C14orf93: variants seen among roughly 807,000 people sequenced by gnomAD.
The protein encoded by C14orf93 is uncharacterized protein C14orf93.
A neutral mutation model predicts 44.0 loss-of-function variants in C14orf93; 23 were observed. That is an observed-to-expected ratio of 0.52 (90% CI 0.38 to 0.74). The LOEUF is 0.74. Ranked by LOEUF, C14orf93 falls within the 30% of genes least tolerant of loss-of-function variation. The pLI, the probability that C14orf93 is intolerant of heterozygous loss-of-function variation, is 0.00. For missense variants in C14orf93, 579 were observed against 678.9 expected, an observed-to-expected ratio of 0.85 and a Z score of 1.64; for synonymous variants, 253 against 265.7, an observed-to-expected ratio of 0.95 and a Z score of 0.46.
chr14:23,008,302 T>TG (rs1280226650), intron 1 of C14orf93, among the ~76,000 whole-genome samples: 2 of 152,178 alleles, frequency 1.3e-5, no homozygotes, highest in Non-Finnish European at 2.9e-5. Flanking sequence ...TGGTCTGACT[T>TG]GAATTGTTAG....
In C14orf93 at chr14:22,991,146, T is replaced by G. The variant is rs185633402; in HGVS notation, c.919-1019A>C. 3.7e-4 allele frequency among the ~76,000 whole-genome samples: 55 copies of G among 150,560 alleles called. 1 individual carries two copies. In the East Asian group the frequency reaches 0.011, roughly 29 times the overall value. On this transcript the variant is annotated intron_variant, in intron 3 of 6. Coordinates refer to ENST00000299088, the MANE Select transcript of C14orf93 (RefSeq NM_021944.4). ...ACTCTTGCACATTTAAATTTTTTCT[T>G]CAAAATGTATTTGTATTTCTTTTCT...
Position 22,999,175 on chromosome 14 carries a change from C to T in C14orf93, c.-152G>A. ...GTAGGGTCTGTGAAAGAAGAGTAAA[C>T]AAGCCATGAAGAAGCACACAGTCCA... On this transcript the variant is annotated 5_prime_UTR_variant, in exon 2 of 7. Coordinates refer to ENST00000299088, the MANE Select transcript of C14orf93 (RefSeq NM_021944.4). 1.6e-6 allele frequency: 2 copies of T among 1,262,400 alleles called. No homozygotes were observed. The highest frequency in any genetic ancestry group is 2.9e-5 in the Admixed American group (1 of 34,970). The allele number at this position is 1,262,400 out of a possible 1,614,324, so 78.2% of individuals were successfully genotyped here.
At chr14:22,990,614 C>T (rs2045548654) in intron 3 of C14orf93, among the ~76,000 whole-genome samples, 2 of 151,286 alleles carry the variant, frequency 1.3e-5, no homozygotes, top group South Asian at 4.2e-4. Flanking sequence ...AGAGTACGGG[C>T]ACCTGCCATC....
chr14:22,991,985 T>A (rs2139487295), intron 3 of C14orf93, among the ~76,000 whole-genome samples: 1 of 152,320 alleles, frequency 6.6e-6, no homozygotes, highest in Admixed American at 6.5e-5. Flanking sequence ...TACACCATGG[T>A]CTGAAAAACA....
chr14:23,003,650 A>G (rs967983304), intron 1 of C14orf93, among the ~76,000 whole-genome samples: 7 of 151,374 alleles, frequency 4.6e-5, no homozygotes, highest in African/African-American at 1.5e-4. Context: ...AAACAAAAAA[A>G]AGTAGCCGCG....
At chr14:23,000,103 A>G (rs899857391) in intron 1 of C14orf93, 2 of 152,204 alleles carry the variant, frequency 1.3e-5, no homozygotes, top group African/African-American at 4.8e-5. Flanking sequence ...TTGAACAGCT[A>G]TGCTGTCACT....
chr14:22,995,025 A>G (rs913037932), intron 3 of C14orf93, among the ~76,000 whole-genome samples: 4 of 152,200 alleles, frequency 2.6e-5, no homozygotes, highest in African/African-American at 4.8e-5. Flanking sequence ...CTACTGCCCT[A>G]GAACTTCTCT....
chr14:22,999,846 T>C (rs2046205093), intron 1 of C14orf93: 1 of 152,230 alleles, frequency 6.6e-6, no homozygotes, highest in African/African-American at 2.4e-5. Flanking sequence ...ACTGTTATAT[T>C]ATATCATTAA....
In C14orf93 at chr14:22,999,057, G is replaced by T; in HGVS notation, c.-34C>A. On this transcript the variant is annotated 5_prime_UTR_variant, in exon 2 of 7. Coordinates refer to ENST00000299088, the MANE Select transcript of C14orf93 (RefSeq NM_021944.4). The stretch of plus-strand genomic sequence containing the variant: ...GGGCAGTAACAACCACGCTTACACT[G>T]CTGGGCCGCTCCAACAGGTAGGAAG... The T allele has an allele frequency of 2.6e-6, 4 of 1,564,454 alleles. No individual in the cohort carries two copies. Among genetic ancestry groups the T allele is most frequent in the South Asian group, 1.2e-5 (1 of 84,540 alleles).
In C14orf93 at chr14:22,998,416, G is replaced by T; in HGVS notation, c.597+11C>A. The T allele has an allele frequency of 6.5e-7, 1 of 1,529,636 alleles. No homozygotes were observed. The highest frequency in any genetic ancestry group is 2.3e-5 in the East Asian group (1 of 42,978). The allele number at this position is 1,529,636 out of a possible 1,614,324, so 94.8% of individuals were successfully genotyped here. On this transcript the variant is annotated intron_variant, in intron 2 of 6. Coordinates refer to ENST00000299088, the MANE Select transcript of C14orf93 (RefSeq NM_021944.4). ...CACCTAGGAGGAATAGCCCTCTGCT[G>T]CCATACTCACAGGATTGAGCAGGGG...
intron 3 of C14orf93, among the ~76,000 whole-genome samples, chr14:22,993,197 C>CA (rs1183129950): frequency 1.3e-5 from 2 of 152,186 alleles, no homozygotes; most frequent in African/African-American, 4.8e-5. Context: ...AGGGTTTTAA[C>CA]ATGTCCTTCA....
chr14:22,987,798 A>G lies in C14orf93; in HGVS notation c.1197+105T>C, dbSNP rs1267183330. 8.1e-7 allele frequency: 1 copy of G among 1,228,596 alleles called. No individual in the cohort carries two copies. Among genetic ancestry groups the G allele is most frequent in the African/African-American group, 1.5e-5 (1 of 66,050 alleles). 76.1% of individuals were successfully genotyped at this position (1,228,596 alleles called of 1,614,324 possible). On this transcript the variant is annotated intron_variant, in intron 6 of 6. Transcript: ENST00000299088. This position sits in a 1 kb window ranked among gnomAD's most constrained non-coding sequence, Gnocchi z 5.6. ...TCACTGTTCTTCTCTATCTTCCTAC[A>G]TTCCTGGCTCTCAACCCTATTCTCA...
In C14orf93 at chr14:22,996,207, G is replaced by A; in HGVS notation, c.659C>T (p.Ala220Val). The change falls in exon 3 of 7, where the codon GCC becomes GTC. Residue 220 changes from alanine to valine, a missense_variant. Transcript: ENST00000299088. The surrounding 1 kb of genome is among the most constrained non-coding windows in gnomAD (Gnocchi z 4.1). ...TTGTGTGGCTGGTGAGAGTTGCTTGGCATAAGCAGGGACCAGAACTCGCTG... is the reference window on the plus strand; with the variant it reads ...TTGTGTGGCTGGTGAGAGTTGCTTGACATAAGCAGGGACCAGAACTCGCTG... ...AVQRVLVPAY[A>V]KQLSPATQLA... is the part of the protein sequence containing the mutation. 8 of 1,610,190 alleles carry A rather than the reference G, an allele frequency of 5.0e-6. No individual in the cohort carries two copies. The highest frequency in any genetic ancestry group is 6.8e-6 in the Non-Finnish European group (8 of 1,177,420).
chr14:23,003,857 CATATATATATATATATATATATAT>C (rs1176882717), intron 1 of C14orf93, among the ~76,000 whole-genome samples: 228 of 19,004 alleles, frequency 0.012, 4 homozygotes, highest in Non-Finnish European at 0.017. Context: ...CTAATATATT[CATATATATATATATATATATATAT>C]ATATATATAT....
rs757557185 is a variant in C14orf93, at chr14:22,987,153, T to G, written c.*62A>C. The stretch of plus-strand genomic sequence containing the variant: ...CATCTCATTATTTTGTGAAGCCCCA[T>G]GGCCACCTATTTCTGAGACATGGGG... On this transcript the variant is annotated 3_prime_UTR_variant, in exon 7 of 7. Coordinates refer to ENST00000299088, the MANE Select transcript of C14orf93 (RefSeq NM_021944.4). The surrounding 1 kb of genome is among the most constrained non-coding windows in gnomAD (Gnocchi z 5.6). 4.9e-5 allele frequency: 73 copies of G among 1,490,150 alleles called. No homozygotes were observed. The highest frequency in any genetic ancestry group is 6.3e-5 in the Non-Finnish European group (70 of 1,107,768). The allele number at this position is 1,490,150 out of a possible 1,614,324, so 92.3% of individuals were successfully genotyped here.
At chr14:22,997,270 G>A (rs2046039312) in intron 2 of C14orf93, among the ~76,000 whole-genome samples, 1 of 152,140 alleles carries the variant, frequency 6.6e-6, no homozygotes, top group South Asian at 2.1e-4. Flanking sequence ...CTTCAGGAGA[G>A]CAATGACCAG....
intron 1 of C14orf93, chr14:23,002,723 C>CT (rs920616615): frequency 1.8e-4 from 27 of 146,730 alleles, no homozygotes; most frequent in Middle Eastern, 3.4e-3. Flanking sequence ...ATTCCTTAAT[C>CT]TTTTTTTTTT....
chr14:23,008,003 A>G (rs1412378541), intron 1 of C14orf93, among the ~76,000 whole-genome samples: 1 of 152,020 alleles, frequency 6.6e-6, no homozygotes, highest in Non-Finnish European at 1.5e-5. Flanking sequence ...AAATACAAAA[A>G]TCAGCCCGGC....
At position 22,987,566 on chromosome 14, in the gene C14orf93, C is replaced by G; in HGVS notation, c.1266G>C (p.Val422=). Residue 422 remains valine (V), a synonymous_variant, in exon 7 of 7, where the codon GTG becomes GTC. Coordinates refer to ENST00000299088, the MANE Select transcript of C14orf93 (RefSeq NM_021944.4). The surrounding 1 kb of genome is among the most constrained non-coding windows in gnomAD (Gnocchi z 5.6). ...GPEDQRLWND[V]TEELMSDEED... ...CTTCATCTGACATCAGTTCCTCTGT[C>G]ACATCATTCCACAGACGTTGGTCCT... 1.9e-6 allele frequency: 3 copies of G among 1,613,832 alleles called. No homozygotes were observed. The South Asian group carries it at 3.3e-5, about 18-fold the overall frequency.
Sources: gnomAD v4.1 joint callset for allele counts (sites outside exome capture counted in the v4.1 genomes callset) on GRCh38, gnomAD v4.1.1 for gene constraint, Gnocchi (gnomAD v3.1) non-coding constraint, MANE v1.5 for transcripts, NCBI Gene and HGNC (gene_info 2026-07-23, HGNC 2026-07-21) for gene names.